CRY2: variants seen among roughly 807,000 people sequenced by gnomAD.
The protein encoded by CRY2 is cryptochrome-2.
Under a neutral mutation model 69.5 loss-of-function variants are expected in CRY2, and 31 were observed. That is an observed-to-expected ratio of 0.45 (90% CI 0.34 to 0.60). The LOEUF is 0.60. Among genes scored for constraint, CRY2 ranks in the 20% least tolerant of loss-of-function variants. The probability of loss-of-function intolerance (pLI) is 0.02; values close to 1 mark genes in which losing one functional copy is unlikely to be tolerated. For synonymous variants in CRY2, 303 were observed against 312.2 expected, an observed-to-expected ratio of 0.97 and a Z score of 0.31; for missense variants, 606 against 797.8, an observed-to-expected ratio of 0.76 and a Z score of 2.90.
chr11:45,863,513 TG>T (rs1364214512), intron 5 of CRY2, among the ~76,000 whole-genome samples: 3 of 151,664 alleles, frequency 2.0e-5, no homozygotes, highest in Non-Finnish European at 2.9e-5. Context: ...GGAGAACAAA[TG>T]GTGCTAGAGA....
chr11:45,866,709 C>T (rs1191624190), intron 5 of CRY2, among the ~76,000 whole-genome samples: 1 of 152,010 alleles, frequency 6.6e-6, no homozygotes. Flanking sequence ...GCCTATAATC[C>T]CAGCTACTCA....
chr11:45,875,747 GAGA>G (rs1183495088), intron 11 of CRY2, among the ~76,000 whole-genome samples: 2 of 152,310 alleles, frequency 1.3e-5, no homozygotes, highest in South Asian at 2.1e-4. Flanking sequence ...GAAATCCTGA[GAGA>G]AGAAGAGTAC....
At chr11:45,850,257 G>A (rs551085782) in intron 1 of CRY2, among the ~76,000 whole-genome samples, 96 of 151,646 alleles carry the variant, frequency 6.3e-4, no homozygotes, top group African/African-American at 2.2e-3. Context: ...AATCACCTGC[G>A]TCAACCTCCC....
rs145110039 is a variant in CRY2 at position 45,854,449 on chromosome 11, T to C, written c.216-1533T>C. On this transcript the variant is annotated intron_variant, in intron 1 of 11. Transcript: ENST00000616080. ...CTGTAATCCCAGCACTTTGGATGGC[T>C]GAGGAGGGCGGATCACTTGAGGTCA... 2.7e-3 allele frequency among the ~76,000 whole-genome samples: 413 copies of C among 152,274 alleles called. 1 individual carries two copies. The highest frequency in any genetic ancestry group is 9.6e-3 in the African/African-American group (397 of 41,552).
At chr11:45,866,976 TAAAA>T (rs917354154) in intron 5 of CRY2, among the ~76,000 whole-genome samples, 7 of 151,306 alleles carry the variant, frequency 4.6e-5, no homozygotes, top group Non-Finnish European at 7.4e-5. Flanking sequence ...AAAAAATAAA[TAAAA>T]AAAGTCGTGA....
rs532029117 is a variant in CRY2, at chr11:45,866,508, G to A, written c.742-1104G>A. Among the ~76,000 whole-genome samples, 27 of 152,282 alleles carry A rather than the reference G, an allele frequency of 1.8e-4. No individual in the cohort carries two copies. In the South Asian group the frequency reaches 1.9e-3, roughly 11 times the overall value. On this transcript the variant is annotated intron_variant, in intron 5 of 11. Transcript: ENST00000616080. ...AGACAGCACAGTTGGCAGGTATAGC[G>A]CTGCTGAGAGATCCCAAAATACAAG...
intron 11 of CRY2, among the ~76,000 whole-genome samples, chr11:45,880,280 C>T (rs1447613479): frequency 6.6e-6 from 1 of 152,226 alleles, no homozygotes; most frequent in African/African-American, 2.4e-5. Context: ...GACAGGCGCA[C>T]TCTGTCCTTC....
chr11:45,875,329 A>G (rs570118187), intron 11 of CRY2, among the ~76,000 whole-genome samples: 8 of 152,336 alleles, frequency 5.3e-5, no homozygotes, highest in African/African-American at 1.9e-4. Context: ...AGGGTTGTAA[A>G]TGGCAGGCAC....
At position 45,849,619 on chromosome 11, in the gene CRY2, T is replaced by G. The variant is rs530331192; in HGVS notation, c.215+1914T>G. 2.6e-4 allele frequency among the ~76,000 whole-genome samples: 33 copies of G among 129,064 alleles called. No homozygotes were observed. The South Asian group carries it at 8.4e-3, about 33-fold the overall frequency. The allele number at this position is 129,064 out of a possible 152,430, so 84.7% of individuals were successfully genotyped here. A position where few individuals can be genotyped will look rare whatever the true frequency, so the allele number is the denominator to read the frequency against. The stretch of plus-strand genomic sequence containing the variant: ...GATACCTGGGCCCCTTTCCCCCAAT[T>G]CTATTTTTTTTTTTTTTTGAGACGG... On this transcript the variant is annotated intron_variant, in intron 1 of 11. Coordinates refer to ENST00000616080, the MANE Select transcript of CRY2 (RefSeq NM_021117.5).
intron 5 of CRY2, among the ~76,000 whole-genome samples, chr11:45,864,118 A>T (rs968915999): frequency 1.3e-5 from 2 of 152,164 alleles, no homozygotes; most frequent in Admixed American, 6.5e-5. Flanking sequence ...ACCTGAGTCC[A>T]GTCCAGTTTC....
intron 10 of CRY2, among the ~76,000 whole-genome samples, 166 bp from the exon 11 acceptor site, chr11:45,871,926 A>G (rs2086386623): frequency 6.6e-6 from 1 of 152,264 alleles, no homozygotes; most frequent in South Asian, 2.1e-4. Context: ...ATTTCCAGGC[A>G]AAGTCACTGC....
chr11:45,847,371 G>T, upstream of CRY2: 1 of 1,599,610 alleles, frequency 6.3e-7, no homozygotes. Flanking sequence ...GGGCTCTGGG[G>T]CCCTGTGGGC....
intron 6 of CRY2, among the ~76,000 whole-genome samples, chr11:45,868,905 G>C (rs61882470): frequency 0.024 from 3,609 of 152,306 alleles, 77 homozygotes; most frequent in Non-Finnish European, 0.036. Flanking sequence ...CAAAGTGACA[G>C]ATGCTAGCCA....
At chr11:45,861,159 A>G (rs1320115074) in intron 4 of CRY2, 127 bp downstream of exon 4, 7 of 1,041,454 alleles carry the variant, frequency 6.7e-6, no homozygotes, top group Non-Finnish European at 9.5e-6. Context: ...TGGAAATGGC[A>G]GTCACTATTA....
In CRY2 at chr11:45,867,616, G is replaced by T; in HGVS notation, c.746G>T (p.Trp249Leu). Residue 249 changes from tryptophan (W) to leucine (L), a missense_variant, in exon 6 of 12, where the codon TGG (tryptophan) becomes TTG (leucine). Trp to Leu is a moderately conservative substitution (Grantham distance 61, BLOSUM62 -2). Coordinates refer to ENST00000616080, the MANE Select transcript of CRY2 (RefSeq NM_021117.5). ...RLDKHLERKAWVANYERPRMN... is the reference protein window; with the variant it reads ...RLDKHLERKALVANYERPRMN... ...CACCTTCTCTTTCTGCTGTAGGCCT[G>T]GGTTGCCAACTATGAGAGACCCCGA... 6.2e-7 allele frequency: 1 copy of T among 1,614,180 alleles called. No individual in the cohort carries two copies. The highest frequency in any genetic ancestry group is 8.5e-7 in the Non-Finnish European group (1 of 1,180,024).
Position 45,847,480 on chromosome 11 carries a change from T to A in CRY2, c.-11T>A. On this transcript the variant is annotated 5_prime_UTR_variant, in exon 1 of 12. Coordinates refer to ENST00000616080, the MANE Select transcript of CRY2 (RefSeq NM_021117.5). ...GGCGGAGCGGGGGTGGCTGGAGCAG[T>A]CTGGACAGTCATGGCGGCGACTGTG... 6.2e-7 allele frequency: 1 copy of A among 1,601,248 alleles called. No homozygotes were observed.
intron 11 of CRY2, among the ~76,000 whole-genome samples, chr11:45,877,672 A>G (rs2086434061): frequency 6.6e-6 from 1 of 152,098 alleles, no homozygotes; most frequent in South Asian, 2.1e-4. Flanking sequence ...TTATGAGTTG[A>G]TTTTCCCTTG....
chr11:45,871,042 C>T, intron 10 of CRY2, 108 bp downstream of exon 10: 1 of 851,924 alleles, frequency 1.2e-6, no homozygotes, highest in South Asian at 1.6e-5. Context: ...GCTTATATTC[C>T]ACCTGGGGCA....
chr11:45,865,771 G>A (rs1203602530), intron 5 of CRY2, among the ~76,000 whole-genome samples: 1 of 152,212 alleles, frequency 6.6e-6, no homozygotes, highest in Non-Finnish European at 1.5e-5. Context: ...AGACAGAGCT[G>A]GAAAGGCCTG....
Sources: allele counts gnomAD v4.1 joint callset (sites outside exome capture counted in the v4.1 genomes callset), GRCh38; gene constraint gnomAD v4.1.1; transcripts MANE v1.5; gene names NCBI Gene and HGNC (gene_info 2026-07-23, HGNC 2026-07-21).